LRRTM4: variants seen among roughly 807,000 people sequenced by gnomAD.
The protein encoded by LRRTM4 is leucine-rich repeat transmembrane neuronal protein 4.
A neutral mutation model predicts 47.6 loss-of-function variants in LRRTM4; 25 were observed. The ratio of observed to expected loss-of-function variants is 0.53; its 90% CI spans 0.38 to 0.73. The LOEUF (loss-of-function observed/expected upper bound fraction) is 0.73, where lower values mean the gene tolerates loss of function less well. LRRTM4 is among the 30% of genes least tolerant of loss of function. LRRTM4 has a pLI of 0.00. For synonymous variants in LRRTM4, 311 were observed against 269.5 expected, an observed-to-expected ratio of 1.15 and a Z score of -1.51; for missense variants, 638 against 713.4, an observed-to-expected ratio of 0.89 and a Z score of 1.20.
At chr2:76,923,292 A>T (rs1230355105) in intron 3 of LRRTM4, among the ~76,000 whole-genome samples, 1 of 151,998 alleles carries the variant, frequency 6.6e-6, no homozygotes, top group East Asian at 1.9e-4. Context: ...AGTATGCTGG[A>T]GCTGGTTTCT....
intron 3 of LRRTM4, among the ~76,000 whole-genome samples, chr2:77,224,398 G>T (rs943807320): frequency 5.3e-5 from 8 of 152,148 alleles, no homozygotes; most frequent in African/African-American, 1.9e-4. Flanking sequence ...CACAGCAAAA[G>T]AAACTACCAT....
chr2:77,104,378 G>A (rs1424298626), intron 3 of LRRTM4, among the ~76,000 whole-genome samples: 1 of 152,108 alleles, frequency 6.6e-6, no homozygotes, highest in Non-Finnish European at 1.5e-5. Flanking sequence ...TAAAATGTAA[G>A]TTAGCTCATG....
At chr2:77,184,863 T>C (rs909441881) in intron 3 of LRRTM4, among the ~76,000 whole-genome samples, 3 of 152,190 alleles carry the variant, frequency 2.0e-5, no homozygotes, top group Non-Finnish European at 4.4e-5. Context: ...ACAATGTATT[T>C]TGAAAATAAG....
intron 3 of LRRTM4, among the ~76,000 whole-genome samples, chr2:76,843,912 T>G (rs866263220): frequency 6.7e-6 from 1 of 150,118 alleles, no homozygotes; most frequent in Non-Finnish European, 1.5e-5. Flanking sequence ...TTTTTTCATT[T>G]TTTTTTTTTT....
At chr2:77,050,767 A>G (rs1342936779) in intron 3 of LRRTM4, among the ~76,000 whole-genome samples, 1 of 152,198 alleles carries the variant, frequency 6.6e-6, no homozygotes, top group Non-Finnish European at 1.5e-5. Context: ...TACTTCTGTA[A>G]AACGGAAAAG....
chr2:76,800,989 C>A (rs1298564637), intron 3 of LRRTM4, among the ~76,000 whole-genome samples: 1 of 147,928 alleles, frequency 6.8e-6, no homozygotes, highest in Admixed American at 6.8e-5. Context: ...GTTAGAATGG[C>A]AATCATTAAA....
At chr2:76,985,012 G>A (rs1328754077) in intron 3 of LRRTM4, among the ~76,000 whole-genome samples, 4 of 151,954 alleles carry the variant, frequency 2.6e-5, no homozygotes, top group Admixed American at 2.6e-4. Context: ...CAGCATTCTA[G>A]ACATTCAAAA....
At chr2:77,025,721 T>C (rs540275233) in intron 3 of LRRTM4, among the ~76,000 whole-genome samples, 6 of 152,274 alleles carry the variant, frequency 3.9e-5, no homozygotes, top group African/African-American at 1.4e-4. Context: ...AAGAAGACTG[T>C]TGGCTTAGAG....
At chr2:76,914,505 A>G (rs569996534) in intron 3 of LRRTM4, among the ~76,000 whole-genome samples, 57 of 152,188 alleles carry the variant, frequency 3.7e-4, no homozygotes, top group African/African-American at 1.3e-3. Flanking sequence ...TTTATGTAAT[A>G]AAATAAAATT....
intron 3 of LRRTM4, among the ~76,000 whole-genome samples, chr2:77,367,285 A>ATT (rs35120569): frequency 6.6e-6 from 1 of 151,066 alleles, no homozygotes; most frequent in Non-Finnish European, 1.5e-5. Context: ...TCATTATTTG[A>ATT]TTTTTTTAAT....
intron 3 of LRRTM4, among the ~76,000 whole-genome samples, chr2:76,987,726 C>T (rs1676853155): frequency 1.3e-5 from 2 of 151,720 alleles, no homozygotes; most frequent in Admixed American, 6.6e-5. Flanking sequence ...CTCGAACAAC[C>T]AGTACGACAG....
chr2:77,504,605 A>G (rs752452760), intron 3 of LRRTM4, among the ~76,000 whole-genome samples: 2 of 151,644 alleles, frequency 1.3e-5, no homozygotes, highest in Non-Finnish European at 1.5e-5. Flanking sequence ...ATAAACAAGA[A>G]TCATTTAACA....
At chr2:77,410,303 G>A (rs138800009) in intron 3 of LRRTM4, among the ~76,000 whole-genome samples, 3 of 152,216 alleles carry the variant, frequency 2.0e-5, no homozygotes, top group African/African-American at 7.2e-5. Context: ...CCAACCACAT[G>A]AGTAGGGAGC....
At chr2:77,262,565 G>T (rs1335055198) in intron 3 of LRRTM4, among the ~76,000 whole-genome samples, 1 of 149,956 alleles carries the variant, frequency 6.7e-6, no homozygotes, top group East Asian at 2.0e-4. Flanking sequence ...TGTTTTCTTA[G>T]ACTTTGATAG....
At chr2:76,891,418 G>A in intron 3 of LRRTM4, among the ~76,000 whole-genome samples, 1 of 151,664 alleles carries the variant, frequency 6.6e-6, no homozygotes, top group Admixed American at 6.6e-5. Context: ...AAGTATTTTA[G>A]CAATCGGATG....
At chr2:76,763,440 G>A (rs1217540389) in intron 3 of LRRTM4, among the ~76,000 whole-genome samples, 1 of 152,202 alleles carries the variant, frequency 6.6e-6, no homozygotes, top group Non-Finnish European at 1.5e-5. Flanking sequence ...AAACAGTCAT[G>A]TGAGCACACA....
intron 3 of LRRTM4, among the ~76,000 whole-genome samples, chr2:77,286,653 G>C (rs1676668095): frequency 6.6e-6 from 1 of 150,738 alleles, no homozygotes; most frequent in Non-Finnish European, 1.5e-5. Context: ...GAAACTACAA[G>C]GGGTACACAC....
chr2:77,040,231 T>C lies in LRRTM4; in HGVS notation c.1552-291315A>G, dbSNP rs143198044. Among the ~76,000 whole-genome samples the C allele has an allele frequency of 6.5e-3, 987 of 151,456 alleles. 2 individuals carry two copies. The highest frequency in any genetic ancestry group is 0.01 in the Non-Finnish European group (705 of 67,570). ...TGTTCTTCCCTTAACAAGACACATA[T>C]ATTGAACCTCCTTATGTTCTACAAC... On this transcript the variant is annotated intron_variant, in intron 3 of 3. Transcript: ENST00000409884.
At chr2:77,450,409 C>T (rs1272577706) in intron 3 of LRRTM4, among the ~76,000 whole-genome samples, 1 of 151,998 alleles carries the variant, frequency 6.6e-6, no homozygotes, top group Non-Finnish European at 1.5e-5. Context: ...AAGATATATA[C>T]TTGAAATCCA....
Sources: allele counts gnomAD v4.1 joint callset (sites outside exome capture counted in the v4.1 genomes callset), GRCh38; gene constraint gnomAD v4.1.1; transcripts MANE v1.5; gene names NCBI Gene and HGNC (gene_info 2026-07-23, HGNC 2026-07-21).